The following VMP1 variants were observed in gnomAD, a reference collection of about 807,000 sequenced individuals.
The protein encoded by VMP1 is vacuole membrane protein 1.
In VMP1, 11 loss-of-function variants were observed where a neutral mutation model predicts 56.0. The ratio of observed to expected loss-of-function variants is 0.20; its 90% CI spans 0.12 to 0.32. The LOEUF (loss-of-function observed/expected upper bound fraction) is 0.32. Ranked by LOEUF, VMP1 falls within the 10% of genes least tolerant of loss-of-function variation. The probability of loss-of-function intolerance (pLI) is 1.00; values close to 1 mark genes in which losing one functional copy is unlikely to be tolerated. For synonymous variants in VMP1, 149 were observed against 165.0 expected (o/e 0.90, Z 0.74); for missense variants, 296 against 490.3 (o/e 0.60, Z 3.74).
chr17:59,835,559 C>T (rs2038955128), intron 10 of VMP1, among the ~76,000 whole-genome samples: 1 of 150,146 alleles, frequency 6.7e-6, no homozygotes, highest in Non-Finnish European at 1.5e-5. Flanking sequence ...GGCATGATCT[C>T]GGCTCACTGC....
At chr17:59,814,743 A>G (rs1262252192) in intron 9 of VMP1, among the ~76,000 whole-genome samples, 1 of 152,192 alleles carries the variant, frequency 6.6e-6, no homozygotes, top group Non-Finnish European at 1.5e-5. Context: ...TGTGGAAGCA[A>G]AAAAGAAAAA....
chr17:59,741,216 G>C (rs567984316), intron 5 of VMP1, among the ~76,000 whole-genome samples: 1 of 152,086 alleles, frequency 6.6e-6, no homozygotes, highest in Non-Finnish European at 1.5e-5. Flanking sequence ...TATTTTAAAT[G>C]CCCTAAAATT....
chr17:59,751,089 T>C (rs1432692261), intron 5 of VMP1, among the ~76,000 whole-genome samples: 1 of 151,840 alleles, frequency 6.6e-6, no homozygotes, highest in Non-Finnish European at 1.5e-5. Flanking sequence ...CCCACCACCA[T>C]GCCTGGCTAA....
chr17:59,749,120 T>TC (rs2035545982), intron 5 of VMP1, among the ~76,000 whole-genome samples: 2 of 151,268 alleles, frequency 1.3e-5, no homozygotes, highest in African/African-American at 4.8e-5. Context: ...TGGCTATTTT[T>TC]TTTTTTTTTT....
At chr17:59,778,942 A>C (rs1011505984) in intron 7 of VMP1, among the ~76,000 whole-genome samples, 5 of 152,234 alleles carry the variant, frequency 3.3e-5, no homozygotes, top group African/African-American at 1.2e-4. Context: ...CACAGCTCCC[A>C]GTCAGCCAGG....
intron 5 of VMP1, among the ~76,000 whole-genome samples, chr17:59,745,909 G>A (rs142807662): frequency 3.9e-5 from 6 of 152,300 alleles, no homozygotes; most frequent in South Asian, 4.1e-4. Context: ...ACTGGAAATC[G>A]TAGCTTAAAA....
At chr17:59,818,185 T>C (rs2038312974) in intron 10 of VMP1, among the ~76,000 whole-genome samples, 1 of 152,068 alleles carries the variant, frequency 6.6e-6, no homozygotes, top group Non-Finnish European at 1.5e-5. Context: ...TAAATGTAAA[T>C]CTTACATAAA....
intron 7 of VMP1, among the ~76,000 whole-genome samples, chr17:59,791,550 C>G (rs1297925979): frequency 1.4e-5 from 2 of 143,242 alleles, no homozygotes; most frequent in Admixed American, 7.1e-5. Flanking sequence ...GGAGTGCTCA[C>G]TCCTCTGCCT....
intron 9 of VMP1, among the ~76,000 whole-genome samples, chr17:59,817,342 C>CTTTTA (rs71145577): frequency 0.55 from 75,621 of 137,244 alleles, 23,387 homozygotes; most frequent in Non-Finnish European, 0.7. Flanking sequence ...TAAATGTTAT[C>CTTTTA]TTTTATTTTA....
chr17:59,774,941 A>ATT (rs11354629), intron 7 of VMP1, among the ~76,000 whole-genome samples: 4 of 137,544 alleles, frequency 2.9e-5, no homozygotes, highest in Non-Finnish European at 4.7e-5. Context: ...TACAAAAAAA[A>ATT]TTTTTTTTTT....
At chr17:59,816,533 A>C (rs1230429026) in intron 9 of VMP1, among the ~76,000 whole-genome samples, 1 of 152,230 alleles carries the variant, frequency 6.6e-6, no homozygotes, top group Non-Finnish European at 1.5e-5. Context: ...TTGGCTGGGC[A>C]CAGTGGCTGA....
In VMP1 at chr17:59,738,952, G is replaced by T; in HGVS notation, c.414+5G>T. 1 of 1,563,658 alleles carries T rather than the reference G, an allele frequency of 6.4e-7. No homozygotes were observed. The highest frequency in any genetic ancestry group is 8.6e-7 in the Non-Finnish European group (1 of 1,160,758). Reference sequence around the variant, plus strand: ...CACACCTTTCTGCTTTATCTGGTAAGAATAATTTTATTTTAATAAGCAAAA... The same window carrying T: ...CACACCTTTCTGCTTTATCTGGTAATAATAATTTTATTTTAATAAGCAAAA... On this transcript the variant is annotated splice_donor_5th_base_variant and intron_variant, in intron 5 of 11. Coordinates refer to ENST00000262291, the MANE Select transcript of VMP1 (RefSeq NM_030938.5).
intron 5 of VMP1, among the ~76,000 whole-genome samples, chr17:59,742,404 C>T (rs962485292): frequency 6.6e-5 from 10 of 151,788 alleles, no homozygotes; most frequent in Non-Finnish European, 1.5e-4. Flanking sequence ...GTGGTCCTAG[C>T]TCCTTGGGAG....
At position 59,737,502 on chromosome 17, in the gene VMP1, G is replaced by A. The variant is rs1259771170; in HGVS notation, c.262G>A (p.Val88Met). 1.2e-6 allele frequency: 2 copies of A among 1,611,962 alleles called. No individual in the cohort carries two copies. The highest frequency in any genetic ancestry group is 1.1e-5 in the South Asian group (1 of 90,478). Reference sequence around the variant, plus strand: ...GGTGTCTTTTTTACTGCTGCTTGCTGTGCTTATAGCTACGTATTATGTTGA... The same window carrying A: ...GGTGTCTTTTTTACTGCTGCTTGCTATGCTTATAGCTACGTATTATGTTGA... ...IVVSFLLLLA[V>M]LIATYYVEGV... is the part of the protein sequence containing the mutation. Residue 88 changes from valine to methionine, a missense_variant, in exon 4 of 12, where the codon GTG becomes ATG. By Grantham distance (21) the Val-to-Met change is conservative (BLOSUM62 1). Coordinates refer to ENST00000262291, the MANE Select transcript of VMP1 (RefSeq NM_030938.5).
In VMP1 at chr17:59,738,919, C is replaced by T. The variant is rs142025675; in HGVS notation, c.386C>T (p.Thr129Ile). 1.9e-5 allele frequency: 30 copies of T among 1,610,522 alleles called. No homozygotes were observed. Among genetic ancestry groups the T allele is most frequent in the Non-Finnish European group, 2.5e-5 (29 of 1,178,936 alleles). ...ATTTTGTCTTCTGTTGGGCTTGGAA[C>T]AGGGCTGCACACCTTTCTGCTTTAT... ...LGILSSVGLG[T>I]GLHTFLLYLG... The change falls in exon 5 of 12, where the codon ACA (threonine) becomes ATA (isoleucine). Residue 129 changes from threonine (T) to isoleucine (I), a missense_variant. Coordinates refer to ENST00000262291, the MANE Select transcript of VMP1 (RefSeq NM_030938.5).
Position 59,840,101 on chromosome 17 carries a change from C to T in VMP1, c.*190C>T. The T allele has an allele frequency of 1.6e-6, 1 of 617,204 alleles. No homozygotes were observed. The highest frequency in any genetic ancestry group is 2.3e-5 in the South Asian group (1 of 43,292). 38.2% of individuals were successfully genotyped at this position (617,204 alleles called of 1,614,324 possible). A position where few individuals can be genotyped will look rare whatever the true frequency, so the allele number is the denominator to read the frequency against. On this transcript the variant is annotated 3_prime_UTR_variant, in exon 12 of 12. Coordinates refer to ENST00000262291, the MANE Select transcript of VMP1 (RefSeq NM_030938.5). Reference sequence around the variant, plus strand: ...CTTCTGTGCTAAGGTAAGGTATCCACCCTCGATGCAATCCACCTTGTGTTT... The same window carrying T: ...CTTCTGTGCTAAGGTAAGGTATCCATCCTCGATGCAATCCACCTTGTGTTT...
chr17:59,831,805 T>TC (rs928319465), intron 10 of VMP1, among the ~76,000 whole-genome samples: 1 of 151,444 alleles, frequency 6.6e-6, no homozygotes, highest in African/African-American at 2.4e-5. Flanking sequence ...TCCTGAGTTT[T>TC]TTTTTTAACA....
chr17:59,747,121 C>A (rs1598330512), intron 5 of VMP1, among the ~76,000 whole-genome samples: 1 of 152,086 alleles, frequency 6.6e-6, no homozygotes, highest in African/African-American at 2.4e-5. Flanking sequence ...CACCCAAAAA[C>A]CAAGCCATCA....
At chr17:59,756,211 A>G (rs1568087082) in intron 5 of VMP1, among the ~76,000 whole-genome samples, 1 of 152,272 alleles carries the variant, frequency 6.6e-6, no homozygotes. Context: ...GAGAAAAACA[A>G]TGATTAAAAA....
Sources: allele counts gnomAD v4.1 joint callset (sites outside exome capture counted in the v4.1 genomes callset), GRCh38; gene constraint gnomAD v4.1.1; transcripts MANE v1.5; gene names NCBI Gene and HGNC (gene_info 2026-07-23, HGNC 2026-07-21).